Variants in CACNA2D3 observed in about 807,000 individuals in gnomAD.
CACNA2D3 encodes calcium voltage-gated channel auxiliary subunit alpha2delta 3.
In CACNA2D3, 60 loss-of-function variants were observed where a neutral mutation model predicts 160.6. That is an observed-to-expected ratio of 0.37 (90% CI 0.30 to 0.46). CACNA2D3 has a LOEUF of 0.46. Among genes scored for constraint, CACNA2D3 ranks in the 20% least tolerant of loss-of-function variants. The probability of loss-of-function intolerance (pLI) is 1.00; values close to 1 mark genes in which losing one functional copy is unlikely to be tolerated. For missense variants in CACNA2D3, 1,205 were observed against 1,365.0 expected (o/e 0.88, Z 1.85); for synonymous variants, 558 against 492.9 (o/e 1.13, Z -1.75).
At chr3:54,454,786 A>G (rs1700368780) in intron 4 of CACNA2D3, among the ~76,000 whole-genome samples, 1 of 151,784 alleles carries the variant, frequency 6.6e-6, no homozygotes, top group Admixed American at 6.6e-5. Context: ...CCATTATTCT[A>G]CTCTCTGCTT....
chr3:54,181,230 T>C (rs1700777159), intron 2 of CACNA2D3, among the ~76,000 whole-genome samples: 1 of 152,248 alleles, frequency 6.6e-6, no homozygotes, highest in Admixed American at 6.5e-5. Flanking sequence ...AATTGAGCTA[T>C]GGTGATGAAT....
At position 54,925,032 on chromosome 3, in the gene CACNA2D3, T is replaced by C. The variant is rs1376814054; in HGVS notation, c.2449+25164T>C. The stretch of plus-strand genomic sequence containing the variant: ...TGACCTAAATGCAAAAGCAGGAAGA[T>C]GGTGTATCTGATTATCTTGTAAATG... On this transcript the variant is annotated intron_variant, in intron 27 of 37. Transcript: ENST00000474759. 2.5e-6 allele frequency: 4 copies of C among 1,613,296 alleles called. No individual in the cohort carries two copies. The East Asian group carries it at 9.0e-5, about 36-fold the overall frequency.
Position 54,278,394 on chromosome 3 carries a change from G to C in CACNA2D3, c.205-42048G>C, listed in dbSNP as rs201100869. 2.6e-5 allele frequency among the ~76,000 whole-genome samples: 4 copies of C among 152,314 alleles called. No homozygotes were observed. The East Asian group carries it at 7.7e-4, about 29-fold the overall frequency. On this transcript the variant is annotated intron_variant, in intron 2 of 37. Transcript: ENST00000474759. Reference sequence around the variant, plus strand: ...GAATGCTTTTACACTGTTGGTGGGAGTGTAAATTAGTTCACCTGTGGAAGT... The same window carrying C: ...GAATGCTTTTACACTGTTGGTGGGACTGTAAATTAGTTCACCTGTGGAAGT...
At chr3:54,368,050 G>A (rs1868508) in intron 3 of CACNA2D3, among the ~76,000 whole-genome samples, 31,888 of 152,132 alleles carry the variant, frequency 0.21, 3,457 homozygotes, top group Middle Eastern at 0.29. Flanking sequence ...TAGGTGGTTT[G>A]TCTTAATGAA....
At chr3:54,563,405 T>C (rs1452273916) in intron 6 of CACNA2D3, among the ~76,000 whole-genome samples, 1 of 152,158 alleles carries the variant, frequency 6.6e-6, no homozygotes, top group Non-Finnish European at 1.5e-5. Context: ...CAGGAAGATG[T>C]TGAAATGGCC....
At position 54,756,020 on chromosome 3, in the gene CACNA2D3, G is replaced by A. The variant is rs192508908; in HGVS notation, c.1246+3343G>A. On this transcript the variant is annotated intron_variant, in intron 12 of 37. Coordinates refer to ENST00000474759, the MANE Select transcript of CACNA2D3 (RefSeq NM_018398.3). ...GTCATTGTTTATAAGAATCTTTGAG[G>A]CATCCTTTTGAAGACAGTTTAGTCA... Among the ~76,000 whole-genome samples, 439 of 152,242 alleles carry A rather than the reference G, an allele frequency of 2.9e-3. 1 individual carries two copies. Among genetic ancestry groups the A allele is most frequent in the Non-Finnish European group, 4.3e-3 (295 of 68,024 alleles).
At chr3:54,837,541 G>GT (rs1698721696) in intron 15 of CACNA2D3, among the ~76,000 whole-genome samples, 1 of 152,094 alleles carries the variant, frequency 6.6e-6, no homozygotes, top group Non-Finnish European at 1.5e-5. Flanking sequence ...CCTTTTATTA[G>GT]TTTCCTAGGG....
chr3:54,654,124 C>A (rs1431575670), intron 11 of CACNA2D3, among the ~76,000 whole-genome samples: 1 of 152,138 alleles, frequency 6.6e-6, no homozygotes, highest in Non-Finnish European at 1.5e-5. Context: ...AACCCATATC[C>A]AGCTGTCTCC....
At chr3:54,524,892 T>G (rs183223331) in intron 5 of CACNA2D3, among the ~76,000 whole-genome samples, 206 of 152,264 alleles carry the variant, frequency 1.4e-3, no homozygotes, top group African/African-American at 3.8e-3. Flanking sequence ...TCTTTGAATC[T>G]AAAGTGTTTC....
At chr3:54,350,533 G>A (rs537869500) in intron 3 of CACNA2D3, among the ~76,000 whole-genome samples, 5 of 152,250 alleles carry the variant, frequency 3.3e-5, no homozygotes, top group Admixed American at 2.6e-4. Flanking sequence ...AAAAGTGTAG[G>A]CCATTTTAGG....
chr3:54,448,725 G>C (rs1436841611), intron 4 of CACNA2D3, among the ~76,000 whole-genome samples: 1 of 152,204 alleles, frequency 6.6e-6, no homozygotes, highest in Non-Finnish European at 1.5e-5. Context: ...TATTGTGTTT[G>C]TGAACCCAGT....
chr3:55,018,610 G>A (rs1021177927), intron 35 of CACNA2D3, among the ~76,000 whole-genome samples: 7 of 151,886 alleles, frequency 4.6e-5, no homozygotes, highest in Admixed American at 3.9e-4. Flanking sequence ...CTTAATTGAC[G>A]GTTGGCAATT....
intron 14 of CACNA2D3, among the ~76,000 whole-genome samples, chr3:54,821,411 C>T (rs1393435657): frequency 2.0e-5 from 3 of 152,134 alleles, no homozygotes; most frequent in African/African-American, 4.8e-5. Flanking sequence ...TTGTTCTATG[C>T]CTGCTGTGAT....
At chr3:54,819,301 G>C (rs1703531992) in intron 14 of CACNA2D3, among the ~76,000 whole-genome samples, 2 of 152,092 alleles carry the variant, frequency 1.3e-5, no homozygotes, top group South Asian at 4.1e-4. Context: ...CTTTTGTTTT[G>C]AAAGTTACTT....
chr3:54,477,651 GTCA>G (rs1700853534), intron 4 of CACNA2D3, among the ~76,000 whole-genome samples: 1 of 152,100 alleles, frequency 6.6e-6, no homozygotes, highest in Non-Finnish European at 1.5e-5. Context: ...CTTGATTTAA[GTCA>G]TCATGATCTC....
intron 27 of CACNA2D3, among the ~76,000 whole-genome samples, chr3:54,933,156 G>T (rs1395200279): frequency 6.8e-6 from 1 of 147,834 alleles, no homozygotes; most frequent in East Asian, 2.1e-4. Flanking sequence ...TCCTATAAGA[G>T]ATAGAAAAAT....
chr3:54,599,476 C>T (rs1012723865), intron 9 of CACNA2D3, among the ~76,000 whole-genome samples: 2 of 152,134 alleles, frequency 1.3e-5, no homozygotes, highest in Non-Finnish European at 2.9e-5. Flanking sequence ...TCAGGTGTAA[C>T]ACATTAACCC....
At chr3:54,675,544 C>G (rs1216710827) in intron 11 of CACNA2D3, among the ~76,000 whole-genome samples, 1 of 152,104 alleles carries the variant, frequency 6.6e-6, no homozygotes, top group Non-Finnish European at 1.5e-5. Context: ...CCCTGAAGTT[C>G]ATGGCTTAGG....
intron 4 of CACNA2D3, among the ~76,000 whole-genome samples, chr3:54,460,186 A>G (rs1452284263): frequency 1.3e-5 from 2 of 151,844 alleles, no homozygotes; most frequent in Non-Finnish European, 2.9e-5. Context: ...GCCTTGTAGT[A>G]TAGTTTGAAG....
Sources: gnomAD v4.1 joint callset for allele counts (sites outside exome capture counted in the v4.1 genomes callset) on GRCh38, gnomAD v4.1.1 for gene constraint, MANE v1.5 for transcripts, NCBI Gene and HGNC (gene_info 2026-07-23, HGNC 2026-07-21) for gene names.